Variants in HOGA1 observed in about 807,000 individuals in gnomAD.
The protein encoded by HOGA1 is 4-hydroxy-2-oxoglutarate aldolase, mitochondrial.
HOGA1 carries 30 observed loss-of-function variants against 34.3 expected under a neutral mutation model. The observed-to-expected ratio is 0.87, with a 90% CI of 0.65 to 1.19. The LOEUF is 1.19. HOGA1 is among the 50% of genes most tolerant of loss of function. The probability of loss-of-function intolerance (pLI) is 0.00; values close to 1 mark genes in which losing one functional copy is unlikely to be tolerated. For synonymous variants in HOGA1, 161 were observed against 174.0 expected (o/e 0.93, Z 0.59); for missense variants, 417 against 436.5 (o/e 0.96, Z 0.40).
intron 1 of HOGA1, among the ~76,000 whole-genome samples, chr10:97,588,312 C>T (rs892214336): frequency 6.6e-6 from 1 of 151,510 alleles, no homozygotes; most frequent in Non-Finnish European, 1.5e-5. Flanking sequence ...ATTTTCCTGC[C>T]TCAGCCTCCT....
intron 6 of HOGA1, among the ~76,000 whole-genome samples, chr10:97,607,708 C>T (rs548829638): frequency 3.9e-5 from 6 of 152,072 alleles, no homozygotes; most frequent in Admixed American, 6.6e-5. Flanking sequence ...TTTTATGTAA[C>T]GTCCAGAGCT....
intron 1 of HOGA1, chr10:97,590,753 A>G: frequency 3.2e-6 from 2 of 632,766 alleles, no homozygotes; most frequent in East Asian, 2.8e-5. Context: ...TTTAAACTCC[A>G]TGAGTGGGGT....
chr10:97,591,701 T>C (rs2041024530), intron 1 of HOGA1, among the ~76,000 whole-genome samples: 1 of 152,110 alleles, frequency 6.6e-6, no homozygotes, highest in Non-Finnish European at 1.5e-5. Flanking sequence ...CACGGCTCAC[T>C]GCAACCTCTG....
At chr10:97,602,094 C>A (rs768281778) in intron 6 of HOGA1, 104 bp downstream of exon 6, 3 of 1,550,888 alleles carry the variant, frequency 1.9e-6, no homozygotes, top group Non-Finnish European at 2.6e-6. Flanking sequence ...CAGTCTCTTC[C>A]TTTCAGAAAA....
intron 6 of HOGA1, among the ~76,000 whole-genome samples, chr10:97,605,286 T>TGGTCCCACGACTTGGGA (rs2041148833): frequency 6.6e-6 from 1 of 151,798 alleles, no homozygotes; most frequent in South Asian, 2.1e-4. Context: ...CATGCACCTG[T>TGGTCCCACGACTTGGGA]GGTCCCACGA....
At chr10:97,606,238 T>G (rs1021325922) in intron 6 of HOGA1, among the ~76,000 whole-genome samples, 2 of 150,894 alleles carry the variant, frequency 1.3e-5, no homozygotes, top group African/African-American at 4.9e-5. Context: ...AGGGCAGAGG[T>G]TGCAGTGAGC....
At chr10:97,590,121 T>C (rs750026258) in intron 1 of HOGA1, 16 of 1,613,984 alleles carry the variant, frequency 9.9e-6, no homozygotes, top group Middle Eastern at 1.6e-4. Context: ...ACGGTTCACA[T>C]AGAGACCTTC....
In HOGA1 at chr10:97,594,641, T is replaced by C. The variant is rs538618107; in HGVS notation, c.212-4134T>C. Among the ~76,000 whole-genome samples, 13 of 151,714 alleles carry C rather than the reference T, an allele frequency of 8.6e-5. No homozygotes were observed. The South Asian group carries it at 2.3e-3, about 27-fold the overall frequency. On this transcript the variant is annotated intron_variant, in intron 1 of 6. Transcript: ENST00000370646. ...GTGCTGGGATCACAAGTGTGAACCA[T>C]TGTGCCTGGCCTAATTTTAATTTTT...
chr10:97,606,128 CAA>C lies in HOGA1; in HGVS notation c.834+4160_834+4161del, dbSNP rs60230634. On this transcript the variant is annotated intron_variant, in intron 6 of 6. Transcript: ENST00000370646. ...TGAAACCCCGTCTCTACTAAAAATA[CAA>C]AAAAAAAAAAAAAAAAAAAAATTAG... Among the ~76,000 whole-genome samples, 844 of 95,210 alleles carry C rather than the reference CAA, an allele frequency of 8.9e-3. 10 individuals carry two copies. Among genetic ancestry groups the C allele is most frequent in the African/African-American group, 0.032 (793 of 24,458 alleles). 62.5% of individuals were successfully genotyped at this position (95,210 alleles called of 152,430 possible). A position where few individuals can be genotyped will look rare whatever the true frequency, so the allele number is the denominator to read the frequency against.
chr10:97,593,029 C>CAAAAAAAAAAAAAGAAAAAAA (rs2041039386), intron 1 of HOGA1, among the ~76,000 whole-genome samples: 1 of 47,802 alleles, frequency 2.1e-5, no homozygotes, highest in Non-Finnish European at 4.0e-5. Context: ...GACTCTGTCT[C>CAAAAAAAAAAAAAGAAAAAAA]AAAAAAAAAA....
chr10:97,591,900 G>A (rs1016987907), intron 1 of HOGA1, among the ~76,000 whole-genome samples: 5 of 148,434 alleles, frequency 3.4e-5, no homozygotes, highest in South Asian at 2.1e-4. Context: ...GTACAGTGGC[G>A]CGATCTTGGC....
intron 1 of HOGA1, among the ~76,000 whole-genome samples, chr10:97,591,590 G>GT (rs2041022911): frequency 6.6e-6 from 1 of 151,784 alleles, no homozygotes; most frequent in Non-Finnish European, 1.5e-5. Context: ...ATCATCTTGG[G>GT]TTCTTTTTTT....
intron 1 of HOGA1, among the ~76,000 whole-genome samples, chr10:97,591,413 CTTAAT>C (rs111974576): frequency 4.4e-4 from 67 of 152,134 alleles, no homozygotes; most frequent in African/African-American, 1.0e-3. Context: ...GTTTGTTTAA[CTTAAT>C]TTAATTTAAT....
Position 97,601,878 on chromosome 10 carries a change from C to T in HOGA1, c.722C>T (p.Ala241Val), listed in dbSNP as rs906433811. Residue 241 changes from alanine to valine, a missense_variant, in exon 6 of 7, where the codon GCC (alanine) becomes GTC (valine). By Grantham distance (64) the Ala-to-Val change is moderately conservative. Coordinates refer to ENST00000370646, the MANE Select transcript of HOGA1 (RefSeq NM_138413.4). ...GCAGGAGCTGTGGGGGGCGTCTGCG[C>T]CCTGGCCAATGTCCTGGGGGCTCAG... is the stretch of plus-strand genomic sequence containing the variant. ...YALGAVGGVC[A>V]LANVLGAQVC... 1 of 1,612,488 alleles carries T rather than the reference C, an allele frequency of 6.2e-7. No individual in the cohort carries two copies. The highest frequency in any genetic ancestry group is 8.5e-7 in the Non-Finnish European group (1 of 1,180,016).
chr10:97,596,564 C>G (rs2041073266), intron 1 of HOGA1, among the ~76,000 whole-genome samples: 1 of 152,096 alleles, frequency 6.6e-6, no homozygotes, highest in African/African-American at 2.4e-5. Context: ...GCACTGCAGC[C>G]CCATGTAGCA....
At chr10:97,602,724 T>C in intron 6 of HOGA1, 1 of 524,362 alleles carries the variant, frequency 1.9e-6, no homozygotes, top group Non-Finnish European at 2.4e-6. Context: ...CTTGCTCTTT[T>C]GCCCAGGCTG....
chr10:97,584,694 T>A lies in HOGA1; in HGVS notation c.-10T>A. 1 of 1,607,636 alleles carries A rather than the reference T, an allele frequency of 6.2e-7. No homozygotes were observed. The highest frequency in any genetic ancestry group is 1.3e-5 in the African/African-American group (1 of 74,970). On this transcript the variant is annotated 5_prime_UTR_variant, in exon 1 of 7. Transcript: ENST00000370646. ...ACATAGACCAATTGTGCTTCAGGCCTCCTGCAGAGATGCTGGGTCCCCAAG... is the reference window on the plus strand; with the variant it reads ...ACATAGACCAATTGTGCTTCAGGCCACCTGCAGAGATGCTGGGTCCCCAAG...
chr10:97,607,733 T>C (rs1375908554), intron 6 of HOGA1, among the ~76,000 whole-genome samples: 1 of 152,192 alleles, frequency 6.6e-6, no homozygotes, highest in East Asian at 1.9e-4. Flanking sequence ...GTTGTACTTA[T>C]TGGGAAGAAT....
At chr10:97,588,108 G>A (rs967983703) in intron 1 of HOGA1, among the ~76,000 whole-genome samples, 12 of 151,868 alleles carry the variant, frequency 7.9e-5, no homozygotes, top group Admixed American at 1.3e-4. Flanking sequence ...CACCATGCCC[G>A]GCCCCGTGTA....
Sources: gnomAD v4.1 joint callset for allele counts (sites outside exome capture counted in the v4.1 genomes callset) on GRCh38, gnomAD v4.1.1 for gene constraint, MANE v1.5 for transcripts, NCBI Gene and HGNC (gene_info 2026-07-23, HGNC 2026-07-21) for gene names.